Variants in RAB11FIP2 observed in about 807,000 individuals in gnomAD.
RAB11FIP2 encodes RAB11 family interacting protein 2, also known as rab11 family-interacting protein 2.
RAB11FIP2 carries 16 observed loss-of-function variants against 40.9 expected under a neutral mutation model. The ratio of observed to expected loss-of-function variants is 0.39; its 90% CI spans 0.26 to 0.59. RAB11FIP2 has a LOEUF of 0.59. RAB11FIP2 is among the 20% of genes least tolerant of loss of function. The pLI, the probability that RAB11FIP2 is intolerant of heterozygous loss-of-function variation, is 0.53. For synonymous variants in RAB11FIP2, 228 were observed against 213.7 expected, an observed-to-expected ratio of 1.07 and a Z score of -0.58; for missense variants, 532 against 606.2, an observed-to-expected ratio of 0.88 and a Z score of 1.28.
In RAB11FIP2 at chr10:118,039,102, C is replaced by T. The variant is rs1378644174; in HGVS notation, c.1135G>A (p.Gly379Arg). The change falls in exon 3 of 5, where the codon GGA becomes AGA. Residue 379 changes from glycine (G) to arginine (R), a missense_variant. Gly to Arg is a moderately radical substitution (Grantham distance 125, BLOSUM62 -2). Coordinates refer to ENST00000355624, the MANE Select transcript of RAB11FIP2 (RefSeq NM_014904.3). ...SRRSDKLNNG[G>R]SDSPCDLKSP... ...TTCAAGTCACAAGGGCTATCAGATCCCCCATTGTTAAGTTTATCAGATCTT... is the reference window on the plus strand; with the variant it reads ...TTCAAGTCACAAGGGCTATCAGATCTCCCATTGTTAAGTTTATCAGATCTT... 6 of 1,613,508 alleles carry T rather than the reference C, an allele frequency of 3.7e-6. No homozygotes were observed. The Admixed American group carries it at 6.7e-5, about 18-fold the overall frequency.
In RAB11FIP2 at chr10:118,033,888, C is replaced by T. The variant is rs1179085851; in HGVS notation, c.1265+5084G>A. Reference sequence around the variant, plus strand: ...TATATAAATCTCAGTAACTTATATCCTGTGAATTTATCATTTGGACAAGGG... The same window carrying T: ...TATATAAATCTCAGTAACTTATATCTTGTGAATTTATCATTTGGACAAGGG... On this transcript the variant is annotated intron_variant, in intron 3 of 4. Coordinates refer to ENST00000355624, the MANE Select transcript of RAB11FIP2 (RefSeq NM_014904.3). 3.0e-5 allele frequency: 21 copies of T among 693,096 alleles called. 1 individual carries two copies. Among genetic ancestry groups the T allele is most frequent in the South Asian group, 2.2e-4 (15 of 67,118 alleles). 42.9% of individuals were successfully genotyped at this position (693,096 alleles called of 1,614,324 possible).
At chr10:118,024,400 T>C (rs1323106765) in intron 3 of RAB11FIP2, among the ~76,000 whole-genome samples, 2 of 152,082 alleles carry the variant, frequency 1.3e-5, no homozygotes, top group African/African-American at 4.8e-5. Flanking sequence ...GGAAGCTGTG[T>C]TGCGTTTGGT....
At chr10:118,030,061 G>A (rs1255818537) in intron 3 of RAB11FIP2, among the ~76,000 whole-genome samples, 1 of 152,126 alleles carries the variant, frequency 6.6e-6, no homozygotes, top group African/African-American at 2.4e-5. Flanking sequence ...TAGCCGACAA[G>A]TCACAGGTAA....
At chr10:118,041,180 T>C (rs1316965063) in intron 1 of RAB11FIP2, among the ~76,000 whole-genome samples, 7 of 151,722 alleles carry the variant, frequency 4.6e-5, no homozygotes, top group Non-Finnish European at 1.0e-4. Context: ...AGCCTACTCC[T>C]GAATAAAATA....
chr10:118,032,885 G>A (rs941424521), intron 3 of RAB11FIP2, among the ~76,000 whole-genome samples: 5 of 151,902 alleles, frequency 3.3e-5, no homozygotes, highest in South Asian at 2.1e-4. Context: ...TAGCCATCTC[G>A]GCTATCAGGT....
intron 4 of RAB11FIP2, among the ~76,000 whole-genome samples, chr10:118,009,997 ATTC>A (rs1441526225): frequency 6.6e-6 from 1 of 152,160 alleles, no homozygotes; most frequent in Non-Finnish European, 1.5e-5. Context: ...ATTGACAAAA[ATTC>A]TTTTTAGGCA....
At chr10:118,022,484 T>C (rs1039395223) in intron 3 of RAB11FIP2, among the ~76,000 whole-genome samples, 5 of 152,228 alleles carry the variant, frequency 3.3e-5, no homozygotes, top group Non-Finnish European at 7.3e-5. Context: ...TTATCCAATT[T>C]ACCTTTCCAG....
intron 4 of RAB11FIP2, 69 bp downstream of exon 4, chr10:118,014,996 T>C: frequency 1.5e-6 from 2 of 1,367,176 alleles, no homozygotes; most frequent in South Asian, 1.3e-5. Flanking sequence ...AAGGCATTTT[T>C]AGAAATGTGT....
intron 3 of RAB11FIP2, among the ~76,000 whole-genome samples, chr10:118,029,300 C>T (rs917405446): frequency 2.3e-4 from 35 of 152,102 alleles, no homozygotes; most frequent in African/African-American, 7.9e-4. Flanking sequence ...CCTTCTTCTC[C>T]CTCCTCACTG....
In RAB11FIP2 at chr10:118,039,144, C is replaced by T. The variant is rs1255319196; in HGVS notation, c.1093G>A (p.Gly365Arg). The T allele has an allele frequency of 6.2e-7, 1 of 1,613,222 alleles. No individual in the cohort carries two copies. The change falls in exon 3 of 5, where the codon GGA (glycine) becomes AGA (arginine). Residue 365 changes from glycine to arginine, a missense_variant. By Grantham distance (125) the Gly-to-Arg change is moderately radical. Coordinates refer to ENST00000355624, the MANE Select transcript of RAB11FIP2 (RefSeq NM_014904.3). ...TCAGATCTTCTGCTATCTTTTTTTCCAGTCACTCTTTCAAACAGGCTAACT... is the reference window on the plus strand; with the variant it reads ...TCAGATCTTCTGCTATCTTTTTTTCTAGTCACTCTTTCAAACAGGCTAACT... The part of the protein sequence containing the change: ...EKVSLFERVT[G>R]KKDSRRSDKL...
chr10:118,024,803 C>A (rs1181233465), intron 3 of RAB11FIP2, among the ~76,000 whole-genome samples: 1 of 152,076 alleles, frequency 6.6e-6, no homozygotes, highest in Non-Finnish European at 1.5e-5. Flanking sequence ...CTGTGTGGGC[C>A]TATGACAAAG....
rs764938882 is a variant in RAB11FIP2, at chr10:118,040,147, A to T, written c.772T>A (p.Ser258Thr). Residue 258 changes from serine to threonine, a missense_variant, in exon 2 of 5, where the codon TCC becomes ACC. By Grantham distance (58) the Ser-to-Thr change is moderately conservative (BLOSUM62 1). Transcript: ENST00000355624. Reference sequence around the variant, plus strand: ...CCACTTTCTGGAACTGTTCCAAAGGAATCTAACTGGTGTCCGAGAAGATGT... The same window carrying T: ...CCACTTTCTGGAACTGTTCCAAAGGTATCTAACTGGTGTCCGAGAAGATGT... ...QTHLLGHQLD[S>T]FGTVPESGSL... The T allele has an allele frequency of 2.5e-6, 4 of 1,613,548 alleles. No individual in the cohort carries two copies. The highest frequency in any genetic ancestry group is 1.6e-4 in the Middle Eastern group (1 of 6,080).
chr10:118,017,379 T>G (rs1846234308), intron 3 of RAB11FIP2: 1 of 152,224 alleles, frequency 6.6e-6, no homozygotes, highest in Admixed American at 6.5e-5. Flanking sequence ...TAATTAAATT[T>G]TTAGACCTCA....
chr10:118,012,967 C>T (rs1349219437), intron 4 of RAB11FIP2, among the ~76,000 whole-genome samples: 2 of 152,030 alleles, frequency 1.3e-5, no homozygotes, highest in Non-Finnish European at 2.9e-5. Context: ...ATTAGAATTA[C>T]TACATGAAGT....
chr10:118,046,013 C>T lies in RAB11FIP2; in HGVS notation c.151G>A (p.Val51Ile). The stretch of plus-strand genomic sequence containing the variant: ...ACTGGCTCAAGGGTTTTCTCAGCTA[C>T]AGAGGTGGAGTACTTTTCCTTGCCC... Reference protein sequence around the residue: ...QLGKEKYSTSVAEKTLEPVWK... With the variant: ...QLGKEKYSTSIAEKTLEPVWK... The change falls in exon 1 of 5, where the codon GTA (valine) becomes ATA (isoleucine). Residue 51 changes from valine to isoleucine, a missense_variant. Physicochemically the swap from Val to Ile is conservative, Grantham distance 29. Coordinates refer to ENST00000355624, the MANE Select transcript of RAB11FIP2 (RefSeq NM_014904.3). The T allele has an allele frequency of 6.2e-7, 1 of 1,614,194 alleles. No individual in the cohort carries two copies. Among genetic ancestry groups the T allele is most frequent in the Non-Finnish European group, 8.5e-7 (1 of 1,180,036 alleles).
intron 3 of RAB11FIP2, among the ~76,000 whole-genome samples, chr10:118,033,085 A>AC (rs1491450061): frequency 2.0e-5 from 3 of 152,116 alleles, no homozygotes; most frequent in Admixed American, 2.0e-4. Context: ...AGAAAAAAAA[A>AC]CACAGGATAT....
chr10:118,012,579 TTAAG>T (rs1270433242), intron 4 of RAB11FIP2, among the ~76,000 whole-genome samples: 4 of 151,986 alleles, frequency 2.6e-5, no homozygotes, highest in South Asian at 2.1e-4. Flanking sequence ...AAAATAATGA[TTAAG>T]TAATATAAAC....
intron 3 of RAB11FIP2, chr10:118,017,519 G>A (rs891642742): frequency 3.3e-5 from 5 of 152,132 alleles, no homozygotes; most frequent in Admixed American, 6.5e-5. Context: ...AACATATGGC[G>A]TGGCCTGGGG....
At chr10:118,024,875 C>T (rs895502307) in intron 3 of RAB11FIP2, among the ~76,000 whole-genome samples, 2 of 152,156 alleles carry the variant, frequency 1.3e-5, no homozygotes, top group East Asian at 1.9e-4. Context: ...TGTTTAAGAA[C>T]AGCCTGCAAT....
Sources: gnomAD v4.1 joint callset for allele counts (sites outside exome capture counted in the v4.1 genomes callset) on GRCh38, gnomAD v4.1.1 for gene constraint, MANE v1.5 for transcripts, NCBI Gene and HGNC (gene_info 2026-07-23, HGNC 2026-07-21) for gene names.